ASIC2: variants seen among roughly 807,000 people sequenced by gnomAD.
ASIC2 encodes acid-sensing ion channel 2.
In ASIC2, 25 loss-of-function variants were observed where a neutral mutation model predicts 57.3. That is an observed-to-expected ratio of 0.44 (90% confidence interval 0.32 to 0.61). ASIC2 has a LOEUF of 0.61. Among genes scored for constraint, ASIC2 ranks in the 20% least tolerant of loss-of-function variants. The probability of loss-of-function intolerance (pLI) is 0.06; values close to 1 mark genes in which losing one functional copy is unlikely to be tolerated. For synonymous variants in ASIC2, 319 were observed against 307.5 expected, an observed-to-expected ratio of 1.04 and a Z score of -0.39; for missense variants, 641 against 738.1, an observed-to-expected ratio of 0.87 and a Z score of 1.52.
intron 1 of ASIC2, among the ~76,000 whole-genome samples, chr17:33,602,772 G>C (rs558011993): frequency 6.6e-6 from 1 of 152,286 alleles, no homozygotes; most frequent in South Asian, 2.1e-4. Context: ...CTTATACCTG[G>C]GTGTGGGATC....
intron 1 of ASIC2, among the ~76,000 whole-genome samples, chr17:33,708,017 C>A (rs1469988011): frequency 6.6e-6 from 1 of 152,152 alleles, no homozygotes; most frequent in Non-Finnish European, 1.5e-5. Flanking sequence ...GCAGGGTATT[C>A]TTGAGTTATA....
chr17:34,001,863 G>A (rs899422880), intron 1 of ASIC2: 1 of 152,238 alleles, frequency 6.6e-6, no homozygotes, highest in Admixed American at 6.5e-5. Flanking sequence ...TTTGCACATG[G>A]ATAGTTGTTC....
intron 1 of ASIC2, among the ~76,000 whole-genome samples, chr17:33,770,374 G>T (rs1911059563): frequency 6.6e-6 from 1 of 152,198 alleles, no homozygotes; most frequent in Admixed American, 6.5e-5. Context: ...AACATTTAAT[G>T]GAGGAATGCA....
At chr17:33,349,670 A>C (rs1282882637) in intron 1 of ASIC2, among the ~76,000 whole-genome samples, 1 of 152,236 alleles carries the variant, frequency 6.6e-6, no homozygotes, top group Admixed American at 6.5e-5. Flanking sequence ...AAATGCCATG[A>C]AATATTGACA....
chr17:34,081,177 G>A (rs1406637054), intron 1 of ASIC2, among the ~76,000 whole-genome samples: 1 of 152,102 alleles, frequency 6.6e-6, no homozygotes, highest in Non-Finnish European at 1.5e-5. Flanking sequence ...TTTCATAGAT[G>A]CACCCCAGAT....
intron 1 of ASIC2, among the ~76,000 whole-genome samples, chr17:33,753,746 G>C (rs189769598): frequency 5.9e-5 from 9 of 152,320 alleles, no homozygotes; most frequent in African/African-American, 1.9e-4. Context: ...GTGGTTTGAA[G>C]TATGGCTACT....
At chr17:33,674,694 G>A (rs1216137799) in intron 1 of ASIC2, among the ~76,000 whole-genome samples, 1 of 152,164 alleles carries the variant, frequency 6.6e-6, no homozygotes, top group Non-Finnish European at 1.5e-5. Context: ...TTTTTTAATG[G>A]GTGAATAAAC....
chr17:33,205,429 A>T (rs1049492631), intron 1 of ASIC2, among the ~76,000 whole-genome samples: 1 of 152,248 alleles, frequency 6.6e-6, no homozygotes, highest in Non-Finnish European at 1.5e-5. Context: ...AAAGCCCTGT[A>T]CATATATATG....
chr17:33,524,578 G>A (rs533080125), intron 1 of ASIC2, among the ~76,000 whole-genome samples: 1 of 152,166 alleles, frequency 6.6e-6, no homozygotes, highest in Non-Finnish European at 1.5e-5. Flanking sequence ...GGGTGTCACA[G>A]CTTGTTAGGT....
intron 1 of ASIC2, among the ~76,000 whole-genome samples, chr17:33,181,016 A>G (rs2142058734): frequency 6.6e-6 from 1 of 152,282 alleles, no homozygotes; most frequent in African/African-American, 2.4e-5. Context: ...TGGCTGAGGA[A>G]AAATAAAAAC....
chr17:33,813,531 G>A (rs535840893), intron 1 of ASIC2, among the ~76,000 whole-genome samples: 1 of 152,290 alleles, frequency 6.6e-6, no homozygotes, highest in Admixed American at 6.5e-5. Context: ...CCACCTCCTG[G>A]GTTCACGCCA....
intron 1 of ASIC2, among the ~76,000 whole-genome samples, chr17:33,720,508 A>G (rs376368567): frequency 4.6e-5 from 7 of 152,356 alleles, no homozygotes; most frequent in African/African-American, 1.7e-4. Flanking sequence ...TGACTCAGAG[A>G]TTCATGAACA....
intron 1 of ASIC2, among the ~76,000 whole-genome samples, chr17:34,082,807 G>A (rs1909941036): frequency 6.6e-6 from 1 of 152,198 alleles, no homozygotes; most frequent in African/African-American, 2.4e-5. Flanking sequence ...ACCAGTCCAG[G>A]TCACCGTGAT....
chr17:33,771,529 C>G (rs1483507601), intron 1 of ASIC2, among the ~76,000 whole-genome samples: 1 of 152,074 alleles, frequency 6.6e-6, no homozygotes. Flanking sequence ...GAGCTGAGGC[C>G]CCACAGAACT....
chr17:33,752,253 T>C (rs530355622), intron 1 of ASIC2, among the ~76,000 whole-genome samples: 1 of 152,262 alleles, frequency 6.6e-6, no homozygotes, highest in East Asian at 1.9e-4. Flanking sequence ...AGAGTTTCAC[T>C]TTTTCCTCCA....
At chr17:34,143,191 T>A (rs1293583396) in intron 1 of ASIC2, among the ~76,000 whole-genome samples, 1 of 152,208 alleles carries the variant, frequency 6.6e-6, no homozygotes, top group Non-Finnish European at 1.5e-5. Flanking sequence ...CTAAAGGGAA[T>A]CAGAAAGCAT....
intron 1 of ASIC2, among the ~76,000 whole-genome samples, chr17:33,920,291 G>A (rs973370389): frequency 3.3e-5 from 5 of 152,158 alleles, no homozygotes; most frequent in East Asian, 1.9e-4. Flanking sequence ...TAATAGCAAA[G>A]TCATGGAATC....
chr17:33,327,500 A>C (rs1032727118), intron 1 of ASIC2, among the ~76,000 whole-genome samples: 1 of 152,232 alleles, frequency 6.6e-6, no homozygotes, highest in Admixed American at 6.6e-5. Context: ...TTGATTAACC[A>C]CAATGAAATG....
intron 1 of ASIC2, among the ~76,000 whole-genome samples, chr17:34,143,698 C>T (rs1350816178): frequency 2.6e-5 from 4 of 152,142 alleles, no homozygotes; most frequent in Non-Finnish European, 5.9e-5. Context: ...CACTGGGCGT[C>T]AAACTTGTGA....
Sources: allele counts gnomAD v4.1 joint callset (sites outside exome capture counted in the v4.1 genomes callset), GRCh38; gene constraint gnomAD v4.1.1; transcripts MANE v1.5; gene names NCBI Gene and HGNC (gene_info 2026-07-23, HGNC 2026-07-21).